Variants in CTNNA3 observed in about 807,000 individuals in gnomAD.
The protein encoded by CTNNA3 is catenin alpha-3.
A neutral mutation model predicts 95.7 loss-of-function variants in CTNNA3; 76 were observed. The ratio of observed to expected loss-of-function variants is 0.79; its 90% CI spans 0.66 to 0.96. The LOEUF is 0.96. Ranked by LOEUF, CTNNA3 falls within the 40% of genes least tolerant of loss-of-function variation. The pLI, the probability that CTNNA3 is intolerant of heterozygous loss-of-function variation, is 0.00. For synonymous variants in CTNNA3, 431 were observed against 374.4 expected (o/e 1.15, Z -1.74); for missense variants, 1,191 against 1,089.8 (o/e 1.09, Z -1.31).
intron 16 of CTNNA3, among the ~76,000 whole-genome samples, chr10:65,980,657 G>A (rs1211351424): frequency 6.6e-6 from 1 of 151,778 alleles, no homozygotes; most frequent in Non-Finnish European, 1.5e-5. Context: ...ATAATCACGT[G>A]GGGTTCATAC....
chr10:67,202,716 C>T (rs7076736), intron 6 of CTNNA3, among the ~76,000 whole-genome samples: 58,396 of 151,544 alleles, frequency 0.39, 15,893 homozygotes, highest in African/African-American at 0.78. Flanking sequence ...TCCAACAGAC[C>T]GATCATGCTA....
intron 12 of CTNNA3, among the ~76,000 whole-genome samples, chr10:66,333,344 C>T (rs979309481): frequency 1.3e-5 from 2 of 151,876 alleles, no homozygotes; most frequent in African/African-American, 4.8e-5. Context: ...TAGATCTTTC[C>T]TGCTTTCTCT....
chr10:66,341,957 G>T (rs990621888), intron 12 of CTNNA3, among the ~76,000 whole-genome samples: 1 of 151,456 alleles, frequency 6.6e-6, no homozygotes, highest in Non-Finnish European at 1.5e-5. Context: ...TTATGTGTGT[G>T]TGTGTATATA....
At chr10:67,531,340 A>G (rs1340058255) in intron 4 of CTNNA3, among the ~76,000 whole-genome samples, 1 of 152,192 alleles carries the variant, frequency 6.6e-6, no homozygotes, top group Non-Finnish European at 1.5e-5. Context: ...CCGCAAAGCC[A>G]CAGGGGGAGA....
intron 12 of CTNNA3, among the ~76,000 whole-genome samples, chr10:66,301,398 G>C (rs1025567492): frequency 6.6e-6 from 1 of 151,662 alleles, no homozygotes; most frequent in Admixed American, 6.6e-5. Flanking sequence ...TATTTCTTAC[G>C]AACATAAATG....
intron 9 of CTNNA3, among the ~76,000 whole-genome samples, chr10:66,673,339 T>C (rs552552380): frequency 1.2e-4 from 18 of 152,224 alleles, no homozygotes; most frequent in Middle Eastern, 3.4e-3. Flanking sequence ...AATTATAAAC[T>C]TGACTTTGAA....
At chr10:66,132,027 C>T (rs1439135594) in intron 13 of CTNNA3, among the ~76,000 whole-genome samples, 2 of 152,024 alleles carry the variant, frequency 1.3e-5, no homozygotes, top group Non-Finnish European at 2.9e-5. Context: ...AAGGCAATTG[C>T]AACAAAAGCA....
At chr10:66,368,612 A>C (rs1589150426) in intron 12 of CTNNA3, among the ~76,000 whole-genome samples, 1 of 152,234 alleles carries the variant, frequency 6.6e-6, no homozygotes, top group Non-Finnish European at 1.5e-5. Context: ...ACTCAAAGTT[A>C]TTTGATTGTA....
chr10:66,318,488 T>G (rs1238188253), intron 12 of CTNNA3, among the ~76,000 whole-genome samples: 1 of 152,090 alleles, frequency 6.6e-6, no homozygotes, highest in African/African-American at 2.4e-5. Context: ...TCTTCCCTCA[T>G]TTTGATCTGA....
At chr10:66,560,397 T>G (rs1163594707) in intron 10 of CTNNA3, among the ~76,000 whole-genome samples, 3 of 151,862 alleles carry the variant, frequency 2.0e-5, no homozygotes, top group Non-Finnish European at 4.4e-5. Flanking sequence ...GTACAATAAA[T>G]ACTTTAGTAG....
intron 13 of CTNNA3, among the ~76,000 whole-genome samples, chr10:66,146,157 G>T (rs1051729360): frequency 2.0e-5 from 3 of 151,960 alleles, no homozygotes; most frequent in African/African-American, 7.2e-5. Context: ...CGGCCGAAGT[G>T]GCTTTTTTAT....
chr10:66,893,555 A>C (rs1277338091), intron 7 of CTNNA3, among the ~76,000 whole-genome samples: 2 of 151,224 alleles, frequency 1.3e-5, no homozygotes, highest in African/African-American at 4.9e-5. Flanking sequence ...AAAAAAAAAA[A>C]CCCATTTAAT....
At chr10:66,400,829 G>A (rs2093014751) in intron 11 of CTNNA3, among the ~76,000 whole-genome samples, 1 of 151,934 alleles carries the variant, frequency 6.6e-6, no homozygotes, top group Non-Finnish European at 1.5e-5. Context: ...TAAAATCAAG[G>A]AACTCTTTGA....
intron 5 of CTNNA3, among the ~76,000 whole-genome samples, chr10:67,441,498 C>A (rs1186833146): frequency 1.3e-5 from 2 of 151,890 alleles, no homozygotes; most frequent in African/African-American, 2.4e-5. Context: ...CAAAGACTAC[C>A]TTAAAGCATT....
At chr10:65,991,325 T>G (rs748535692) in intron 15 of CTNNA3, among the ~76,000 whole-genome samples, 2 of 152,124 alleles carry the variant, frequency 1.3e-5, no homozygotes, top group Non-Finnish European at 2.9e-5. Flanking sequence ...TTGATATAAT[T>G]CCACTGAAAA....
At chr10:66,667,993 A>G (rs557610944) in intron 9 of CTNNA3, among the ~76,000 whole-genome samples, 3 of 152,310 alleles carry the variant, frequency 2.0e-5, no homozygotes, top group South Asian at 2.1e-4. Context: ...TGATTTACTA[A>G]TAACAAACTA....
chr10:66,303,560 A>G (rs10997048), intron 12 of CTNNA3, among the ~76,000 whole-genome samples: 32,739 of 152,070 alleles, frequency 0.22, 3,693 homozygotes, highest in Admixed American at 0.29. Context: ...TAGGCATATG[A>G]AGTGAATAAA....
intron 9 of CTNNA3, among the ~76,000 whole-genome samples, chr10:66,705,401 T>A (rs1848084599): frequency 6.6e-6 from 1 of 152,016 alleles, no homozygotes; most frequent in South Asian, 2.1e-4. Context: ...CTCTGCTCAA[T>A]TTTTTGAAAA....
rs1221068579 is a variant in CTNNA3 at position 67,508,370 on chromosome 10, T to C, written c.579+13472A>G. ...TTTCACAAGCCCATAGTTAGTGTTA[T>C]GCTCAATAGTGAAAAGTTGCCAAAA... On this transcript the variant is annotated intron_variant, in intron 5 of 17. Transcript: ENST00000433211. Among the ~76,000 whole-genome samples the C allele has an allele frequency of 2.6e-5, 4 of 152,222 alleles. No individual in the cohort carries two copies. In the East Asian group the frequency reaches 5.8e-4, roughly 22 times the overall value.
Sources: allele counts gnomAD v4.1 joint callset (sites outside exome capture counted in the v4.1 genomes callset), GRCh38; gene constraint gnomAD v4.1.1; transcripts MANE v1.5; gene names NCBI Gene and HGNC (gene_info 2026-07-23, HGNC 2026-07-21).